KCND3: variants seen among roughly 807,000 people sequenced by gnomAD.
The protein encoded by KCND3 is A-type voltage-gated potassium channel KCND3.
A neutral mutation model predicts 51.1 loss-of-function variants in KCND3; 9 were observed. That is an observed-to-expected ratio of 0.18 (90% CI 0.11 to 0.31). KCND3 has a LOEUF of 0.31. KCND3 is among the 10% of genes least tolerant of loss of function. KCND3 has a pLI of 1.00. For missense variants in KCND3, 526 were observed against 903.8 expected (o/e 0.58, Z 5.36); for synonymous variants, 349 against 368.0 (o/e 0.95, Z 0.59).
intron 1 of KCND3, among the ~76,000 whole-genome samples, chr1:111,983,462 C>G (rs1272889978): frequency 6.6e-6 from 1 of 152,134 alleles, no homozygotes; most frequent in African/African-American, 2.4e-5. Context: ...ACTCCTTGCC[C>G]TAGCAACCTA....
chr1:111,919,012 G>C (rs995399483), intron 2 of KCND3, among the ~76,000 whole-genome samples: 3 of 151,840 alleles, frequency 2.0e-5, no homozygotes, highest in Non-Finnish European at 4.4e-5. Flanking sequence ...TCACATGAGA[G>C]GACCTGGTGC....
intron 2 of KCND3, among the ~76,000 whole-genome samples, chr1:111,807,105 A>C (rs1284637387): frequency 2.6e-5 from 4 of 152,334 alleles, no homozygotes. Context: ...ATAATTTTCA[A>C]ATACACTGAC....
intron 2 of KCND3, among the ~76,000 whole-genome samples, chr1:111,884,268 G>C (rs1430593619): frequency 7.2e-5 from 11 of 152,164 alleles, no homozygotes; most frequent in Non-Finnish European, 1.5e-5. Context: ...TTCTACACAG[G>C]TATAGGTGGG....
intron 2 of KCND3, among the ~76,000 whole-genome samples, chr1:111,848,606 G>A (rs1165116117): frequency 6.6e-6 from 1 of 152,214 alleles, no homozygotes; most frequent in African/African-American, 2.4e-5. Context: ...GCCCAGGAGG[G>A]CTGCACTCAC....
intron 2 of KCND3, among the ~76,000 whole-genome samples, chr1:111,815,797 T>C (rs1039591332): frequency 1.3e-5 from 2 of 151,998 alleles, no homozygotes; most frequent in African/African-American, 4.8e-5. Context: ...CTTTGACATA[T>C]CATACCTGCA....
intron 2 of KCND3, among the ~76,000 whole-genome samples, chr1:111,805,734 C>T (rs1665536276): frequency 1.3e-5 from 2 of 152,164 alleles, no homozygotes; most frequent in Middle Eastern, 3.2e-3. Context: ...GCTAGGGGAG[C>T]GCCTAAGGAG....
intron 2 of KCND3, among the ~76,000 whole-genome samples, chr1:111,960,542 G>A (rs1673591387): frequency 6.6e-6 from 1 of 152,162 alleles, no homozygotes; most frequent in Non-Finnish European, 1.5e-5. Flanking sequence ...GAGTGCAAGA[G>A]GACCTCTCCA....
chr1:111,969,721 T>C (rs1674217875), intron 2 of KCND3, among the ~76,000 whole-genome samples: 1 of 152,210 alleles, frequency 6.6e-6, no homozygotes, highest in Admixed American at 6.5e-5. Context: ...TTTCTACTCA[T>C]TCAATCTTCA....
chr1:111,908,300 C>A (rs1019173715), intron 2 of KCND3, among the ~76,000 whole-genome samples: 4 of 152,192 alleles, frequency 2.6e-5, no homozygotes, highest in Non-Finnish European at 5.9e-5. Context: ...GTGAGTAAAT[C>A]AAAGCTCAGA....
chr1:111,866,616 A>ACACG (rs1240189565), intron 2 of KCND3, among the ~76,000 whole-genome samples: 4 of 151,382 alleles, frequency 2.6e-5, no homozygotes, highest in African/African-American at 7.3e-5. Context: ...ACACACACAC[A>ACACG]CACACACGGC....
At chr1:111,797,973 C>T (rs1487773259) in intron 2 of KCND3, among the ~76,000 whole-genome samples, 1 of 152,188 alleles carries the variant, frequency 6.6e-6, no homozygotes, top group East Asian at 1.9e-4. Context: ...TGCATCAGTC[C>T]AGGCAGGAAA....
At chr1:111,852,219 T>C (rs1187447624) in intron 2 of KCND3, among the ~76,000 whole-genome samples, 2 of 152,228 alleles carry the variant, frequency 1.3e-5, no homozygotes, top group Non-Finnish European at 2.9e-5. Flanking sequence ...TGGTCAGTGG[T>C]TGTCATGACT....
intron 2 of KCND3, among the ~76,000 whole-genome samples, chr1:111,812,350 G>A (rs1279100217): frequency 1.3e-5 from 2 of 152,160 alleles, no homozygotes; most frequent in African/African-American, 4.8e-5. Context: ...AAATGATGGT[G>A]GGGTCCCTGG....
rs74109798 is a variant in KCND3, at chr1:111,981,086, G to A, written c.1106+535C>T. ...CTGCTCAGAGCTACTGAACGCTTGA[G>A]TGTCTGTGGCAGCACAGGAGAAAAG... On this transcript the variant is annotated intron_variant, in intron 2 of 7. Coordinates refer to ENST00000302127, the MANE Select transcript of KCND3 (RefSeq NM_001378969.1). This position sits in a 1 kb window ranked among gnomAD's most constrained non-coding sequence, Gnocchi z 6.2. Among the ~76,000 whole-genome samples, 3,517 of 152,334 alleles carry A rather than the reference G, an allele frequency of 0.023. 120 individuals carry two copies. Among genetic ancestry groups the A allele is most frequent in the African/African-American group, 0.08 (3,328 of 41,560 alleles).
intron 2 of KCND3, among the ~76,000 whole-genome samples, chr1:111,887,629 G>A (rs1166942457): frequency 6.6e-6 from 1 of 152,214 alleles, no homozygotes; most frequent in Admixed American, 6.5e-5. Context: ...GAGAAAGGAA[G>A]AGCCAGCAGG....
At chr1:111,776,880 AAGGAAAGG>A (rs1664138933) in intron 7 of KCND3, 138 bp downstream of exon 7, 2 of 1,475,454 alleles carry the variant, frequency 1.4e-6, no homozygotes, top group Admixed American at 4.0e-5. Context: ...GTTTCCTTGC[AAGGAAAGG>A]AGGAAGGTAG....
intron 2 of KCND3, among the ~76,000 whole-genome samples, chr1:111,954,950 A>G (rs1279416844): frequency 6.6e-6 from 1 of 152,178 alleles, no homozygotes; most frequent in South Asian, 2.1e-4. Context: ...TTTTATGTCA[A>G]CCTAGATGGA....
intron 1 of KCND3, chr1:111,988,850 G>A (rs1481451762): frequency 2.0e-5 from 3 of 152,274 alleles, no homozygotes; most frequent in African/African-American, 7.2e-5. Context: ...CTATTCAAAT[G>A]TCAACACTAA....
At chr1:111,884,834 A>G (rs1216113300) in intron 2 of KCND3, among the ~76,000 whole-genome samples, 1 of 152,210 alleles carries the variant, frequency 6.6e-6, no homozygotes, top group African/African-American at 2.4e-5. Flanking sequence ...ATTTTTTGGT[A>G]AGGTTCTAAA....
Sources: gnomAD v4.1 joint callset for allele counts (sites outside exome capture counted in the v4.1 genomes callset) on GRCh38, gnomAD v4.1.1 for gene constraint, Gnocchi (gnomAD v3.1) non-coding constraint, MANE v1.5 for transcripts, NCBI Gene and HGNC (gene_info 2026-07-23, HGNC 2026-07-21) for gene names.